The following SAE1 variants were observed in gnomAD, a reference collection of about 807,000 sequenced individuals.
The protein encoded by SAE1 is SUMO-activating enzyme subunit 1.
Under a neutral mutation model 40.6 loss-of-function variants are expected in SAE1, and 11 were observed. That is an observed-to-expected ratio of 0.27 (90% CI 0.17 to 0.45). SAE1 has a LOEUF of 0.45. Ranked by LOEUF, SAE1 falls within the 20% of genes least tolerant of loss-of-function variation. The probability of loss-of-function intolerance (pLI) is 1.00; values close to 1 mark genes in which losing one functional copy is unlikely to be tolerated. For missense variants in SAE1, 373 were observed against 427.3 expected (o/e 0.87, Z 1.12); for synonymous variants, 155 against 154.3 (o/e 1.00, Z -0.03).
Position 47,202,659 on chromosome 19 carries a change from A to G in SAE1, c.879-1012A>G, listed in dbSNP as rs963103195. Among the ~76,000 whole-genome samples the G allele has an allele frequency of 5.3e-5, 8 of 150,216 alleles. No individual in the cohort carries two copies. The East Asian group carries it at 1.7e-3, about 31-fold the overall frequency. On this transcript the variant is annotated intron_variant, in intron 7 of 8. Transcript: ENST00000270225. ...CTGGGCGCAGTGGCTCACACCTGTA[A>G]TCCCAGCGCTTTGGGAGGCCGAGGC... is the stretch of plus-strand genomic sequence containing the variant.
chr19:47,171,221 C>T (rs2058429754), intron 6 of SAE1, among the ~76,000 whole-genome samples: 1 of 152,092 alleles, frequency 6.6e-6, no homozygotes, highest in Admixed American at 6.6e-5. Flanking sequence ...GATCCGCCCA[C>T]CTCAGCCCCC....
At chr19:47,166,967 T>C (rs531194613) in intron 5 of SAE1, among the ~76,000 whole-genome samples, 1 of 152,244 alleles carries the variant, frequency 6.6e-6, no homozygotes, top group South Asian at 2.1e-4. Flanking sequence ...CTTTTTTTTT[T>C]TTGAGACGGC....
intron 5 of SAE1, among the ~76,000 whole-genome samples, chr19:47,157,425 G>C (rs2058331233): frequency 6.6e-6 from 1 of 152,210 alleles, no homozygotes; most frequent in Admixed American, 6.5e-5. Flanking sequence ...CCTCTTACAA[G>C]TGTGACACTT....
intron 7 of SAE1, among the ~76,000 whole-genome samples, chr19:47,200,919 A>G (rs71363729): frequency 0.19 from 29,179 of 151,926 alleles, 3,038 homozygotes; most frequent in East Asian, 0.4. Flanking sequence ...GTGCAGTGGC[A>G]TGATCTCGGC....
intron 6 of SAE1, among the ~76,000 whole-genome samples, chr19:47,170,503 C>CCT (rs2058424116): frequency 6.0e-5 from 5 of 83,910 alleles, no homozygotes; most frequent in Admixed American, 1.6e-4. Flanking sequence ...CGCCCCCCGC[C>CCT]TTTTTTTTTT....
intron 6 of SAE1, among the ~76,000 whole-genome samples, chr19:47,184,803 G>GTTTTGT (rs1555794645): frequency 1.4e-5 from 1 of 69,886 alleles, no homozygotes; most frequent in Admixed American, 1.6e-4. Context: ...TTTTGTTTTT[G>GTTTTGT]TTTTGTTTTG....
intron 5 of SAE1, among the ~76,000 whole-genome samples, chr19:47,161,113 C>T (rs1226687858): frequency 6.6e-6 from 1 of 152,038 alleles, no homozygotes; most frequent in African/African-American, 2.4e-5. Context: ...GGGATCCTCC[C>T]ACCCACCTCA....
At chr19:47,142,830 C>T (rs1269204462) in intron 1 of SAE1, among the ~76,000 whole-genome samples, 1 of 152,166 alleles carries the variant, frequency 6.6e-6, no homozygotes, top group Non-Finnish European at 1.5e-5. Flanking sequence ...TGATTTCTGT[C>T]TCAAATAGCG....
chr19:47,163,270 T>C (rs1319766270), intron 5 of SAE1, among the ~76,000 whole-genome samples: 1 of 150,710 alleles, frequency 6.6e-6, no homozygotes, highest in Non-Finnish European at 1.5e-5. Flanking sequence ...AAAAAGAAAA[T>C]TGAAATTATG....
intron 6 of SAE1, among the ~76,000 whole-genome samples, chr19:47,190,318 C>G (rs1413206071): frequency 6.6e-6 from 1 of 151,898 alleles, no homozygotes; most frequent in Non-Finnish European, 1.5e-5. Context: ...GTGGGAGGTG[C>G]TCTTCAGAAA....
intron 1 of SAE1, among the ~76,000 whole-genome samples, chr19:47,139,698 C>T (rs910985485): frequency 2.5e-4 from 38 of 150,178 alleles, no homozygotes; most frequent in African/African-American, 7.9e-4. Context: ...ACACCATTCT[C>T]CTGTCTCAGC....
In SAE1 at chr19:47,156,898, G is replaced by A. The variant is rs888343485; in HGVS notation, c.627+1685G>A. 4.6e-5 allele frequency among the ~76,000 whole-genome samples: 7 copies of A among 152,282 alleles called. No individual in the cohort carries two copies. The South Asian group carries it at 8.3e-4, about 18-fold the overall frequency. On this transcript the variant is annotated intron_variant, in intron 5 of 8. Coordinates refer to ENST00000270225, the MANE Select transcript of SAE1 (RefSeq NM_005500.3). ...GAATCTGAGATGGGAACCATGCGATGGGGAAAGCAAGATGAAGGGGCCAGA... is the reference window on the plus strand; with the variant it reads ...GAATCTGAGATGGGAACCATGCGATAGGGAAAGCAAGATGAAGGGGCCAGA...
chr19:47,196,245 C>T (rs565083008), intron 6 of SAE1, among the ~76,000 whole-genome samples: 8 of 145,156 alleles, frequency 5.5e-5, no homozygotes, highest in African/African-American at 2.0e-4. Context: ...CCATGTTGGT[C>T]AGGCTGGTCT....
Position 47,209,501 on chromosome 19 carries a change from A to G in SAE1, c.*250A>G, listed in dbSNP as rs1600224785. On this transcript the variant is annotated 3_prime_UTR_variant, in exon 9 of 9. Coordinates refer to ENST00000270225, the MANE Select transcript of SAE1 (RefSeq NM_005500.3). The stretch of plus-strand genomic sequence containing the variant: ...GGCTGCCTGTCATCCCGGGCCTGCC[A>G]GCTCCCCTGAGTGATGAGCACTTCC... 1 of 598,768 alleles carries G rather than the reference A, an allele frequency of 1.7e-6. No homozygotes were observed. The highest frequency in any genetic ancestry group is 1.9e-5 in the African/African-American group (1 of 53,692). The allele number at this position is 598,768 out of a possible 1,614,324, so 37.1% of individuals were successfully genotyped here. A position where few individuals can be genotyped will look rare whatever the true frequency, so the allele number is the denominator to read the frequency against.
chr19:47,144,495 C>G (rs543851525), intron 2 of SAE1, among the ~76,000 whole-genome samples: 1 of 151,762 alleles, frequency 6.6e-6, no homozygotes, highest in South Asian at 2.1e-4. Context: ...GTCAGGAGAT[C>G]GAGACCATCC....
intron 1 of SAE1, among the ~76,000 whole-genome samples, chr19:47,138,753 T>C (rs975882377): frequency 1.3e-5 from 2 of 152,058 alleles, no homozygotes; most frequent in African/African-American, 4.8e-5. Context: ...GAGGCTGAGG[T>C]TGGAGGATCA....
chr19:47,147,757 C>A (rs1038825874), intron 2 of SAE1, among the ~76,000 whole-genome samples: 3 of 148,454 alleles, frequency 2.0e-5, no homozygotes, highest in African/African-American at 7.4e-5. Flanking sequence ...CCAGCCTCAA[C>A]TGTATTTTTT....
intron 6 of SAE1, chr19:47,180,289 G>C (rs1355001898): frequency 4.4e-6 from 2 of 456,062 alleles, no homozygotes; most frequent in African/African-American, 4.0e-5. Flanking sequence ...CAGATCTGGG[G>C]TAGGAAAATT....
At chr19:47,199,108 T>A (rs1422808425) in intron 7 of SAE1, among the ~76,000 whole-genome samples, 1 of 149,290 alleles carries the variant, frequency 6.7e-6, no homozygotes, top group Non-Finnish European at 1.5e-5. Flanking sequence ...AGCGTAAGGC[T>A]GGGCGCGGTG....
Sources: allele counts gnomAD v4.1 joint callset (sites outside exome capture counted in the v4.1 genomes callset), GRCh38; gene constraint gnomAD v4.1.1; transcripts MANE v1.5; gene names NCBI Gene and HGNC (gene_info 2026-07-23, HGNC 2026-07-21).